CRB1: variants seen among roughly 807,000 people sequenced by gnomAD.
CRB1 encodes the protein crumbs cell polarity complex component 1.
Under a neutral mutation model 120.0 loss-of-function variants are expected in CRB1, and 83 were observed. The ratio of observed to expected loss-of-function variants is 0.69; its 90% CI spans 0.58 to 0.83. The LOEUF (loss-of-function observed/expected upper bound fraction) is 0.83. Ranked by LOEUF, CRB1 falls within the 40% of genes least tolerant of loss-of-function variation. CRB1 has a pLI of 0.00. For synonymous variants in CRB1, 625 were observed against 612.5 expected (o/e 1.02, Z -0.30); for missense variants, 1,699 against 1,687.6 (o/e 1.01, Z -0.12).
At chr1:197,346,179 A>G (rs1007564645) in intron 3 of CRB1, among the ~76,000 whole-genome samples, 3 of 152,178 alleles carry the variant, frequency 2.0e-5, no homozygotes, top group African/African-American at 4.8e-5. Flanking sequence ...ATTATCTCTT[A>G]TTGCCTAAAT....
At chr1:197,434,211 C>A (rs2125497874) in intron 8 of CRB1, among the ~76,000 whole-genome samples, 1 of 152,184 alleles carries the variant, frequency 6.6e-6, no homozygotes, top group East Asian at 1.9e-4. Context: ...ACTGCCTACT[C>A]ATCAGCTTAA....
the CRB1 span, among the ~76,000 whole-genome samples, chr1:197,235,621 G>A: frequency 2.6e-5 from 4 of 152,284 alleles, no homozygotes; most frequent in African/African-American, 9.6e-5. Context: ...CACCCACTGA[G>A]TGTAGCAGAG....
intron 6 of CRB1, among the ~76,000 whole-genome samples, chr1:197,425,088 G>A (rs1398182525): frequency 6.6e-6 from 1 of 152,190 alleles, no homozygotes; most frequent in East Asian, 1.9e-4. Context: ...GGGATGACCA[G>A]CAGGCACCCC....
intron 5 of CRB1, among the ~76,000 whole-genome samples, chr1:197,368,922 T>C (rs375060098): frequency 2.0e-5 from 3 of 152,224 alleles, no homozygotes; most frequent in South Asian, 4.1e-4. Flanking sequence ...ACCAGAGTTC[T>C]ATTTTGATGA....
chr1:197,407,197 A>G (rs1663456600), intron 5 of CRB1, among the ~76,000 whole-genome samples: 1 of 152,234 alleles, frequency 6.6e-6, no homozygotes. Flanking sequence ...ATGGAGGAAA[A>G]TTTCTTGTTG....
At chr1:197,332,352 C>T (rs1294042829) in intron 2 of CRB1, among the ~76,000 whole-genome samples, 1 of 152,108 alleles carries the variant, frequency 6.6e-6, no homozygotes, top group East Asian at 1.9e-4. Flanking sequence ...GGATGCTTTC[C>T]TTGTCAATCC....
At chr1:197,428,907 C>G in intron 7 of CRB1, 1 of 1,479,978 alleles carries the variant, frequency 6.8e-7, no homozygotes, top group Non-Finnish European at 9.0e-7. Context: ...TAAATACTTT[C>G]ATTTTGAATA....
At chr1:197,403,579 T>C (rs754820253) in intron 5 of CRB1, among the ~76,000 whole-genome samples, 4 of 152,188 alleles carry the variant, frequency 2.6e-5, no homozygotes, top group Non-Finnish European at 4.4e-5. Flanking sequence ...AAGTGGTAGA[T>C]ATCTGAGTTC....
intron 5 of CRB1, among the ~76,000 whole-genome samples, chr1:197,371,297 T>C (rs1661358361): frequency 6.6e-6 from 1 of 152,190 alleles, no homozygotes; most frequent in Non-Finnish European, 1.5e-5. Flanking sequence ...AATTTGAATG[T>C]GGTTGGAGAA....
intron 11 of CRB1, among the ~76,000 whole-genome samples, chr1:197,457,191 C>G (rs1666321835): frequency 6.6e-6 from 1 of 152,066 alleles, no homozygotes; most frequent in African/African-American, 2.4e-5. Flanking sequence ...CCATACAATC[C>G]TAAGTACGCC....
intron 5 of CRB1, among the ~76,000 whole-genome samples, chr1:197,383,733 G>C (rs564346300): frequency 4.0e-4 from 61 of 152,222 alleles, no homozygotes; most frequent in African/African-American, 1.3e-3. Flanking sequence ...CTGAGCTTTG[G>C]TTTTCTGGAA....
At chr1:197,320,109 C>T (rs1193069279) in intron 1 of CRB1, among the ~76,000 whole-genome samples, 1 of 152,196 alleles carries the variant, frequency 6.6e-6, no homozygotes, top group Non-Finnish European at 1.5e-5. Flanking sequence ...GATAGCATCC[C>T]TACTTTATTT....
chr1:197,393,342 A>G (rs1489715617), intron 5 of CRB1, among the ~76,000 whole-genome samples: 1 of 152,086 alleles, frequency 6.6e-6, no homozygotes, highest in Non-Finnish European at 1.5e-5. Flanking sequence ...CTCAGCTTCT[A>G]CTATATAGTA....
At chr1:197,283,901 A>G (rs1655677813) in intron 1 of CRB1, among the ~76,000 whole-genome samples, 1 of 151,828 alleles carries the variant, frequency 6.6e-6, no homozygotes, top group Admixed American at 6.6e-5. Flanking sequence ...CTATATATAG[A>G]CAGAAGTATT....
At chr1:197,210,488 A>T in the CRB1 span, among the ~76,000 whole-genome samples, 1 of 152,124 alleles carries the variant, frequency 6.6e-6, no homozygotes, top group Non-Finnish European at 1.5e-5. Flanking sequence ...CTCAAGACTG[A>T]AACATCATCT....
chr1:197,432,646 C>A (rs1664930082), intron 8 of CRB1, among the ~76,000 whole-genome samples: 1 of 152,034 alleles, frequency 6.6e-6, no homozygotes, highest in Admixed American at 6.6e-5. Flanking sequence ...ACAGAGGATC[C>A]TTGGTTTCAT....
intron 11 of CRB1, among the ~76,000 whole-genome samples, chr1:197,476,848 CCTTT>C (rs1667220072): frequency 6.6e-6 from 1 of 152,114 alleles, no homozygotes; most frequent in South Asian, 2.1e-4. Context: ...AACAGTAACT[CCTTT>C]CTGTCTTTAA....
intron 10 of CRB1, chr1:197,438,992 A>G (rs1233831002): frequency 3.3e-6 from 1 of 303,982 alleles, no homozygotes; most frequent in Middle Eastern, 1.2e-3. Flanking sequence ...ACATGATGCA[A>G]ATATGGTTGC....
intron 4 of CRB1, among the ~76,000 whole-genome samples, chr1:197,351,090 C>T (rs1215748597): frequency 6.6e-6 from 1 of 150,404 alleles, no homozygotes; most frequent in Non-Finnish European, 1.5e-5. Flanking sequence ...ACCTGTAATG[C>T]CAGCACTTTG....
Sources: allele counts gnomAD v4.1 joint callset (sites outside exome capture counted in the v4.1 genomes callset), GRCh38; gene constraint gnomAD v4.1.1; transcripts MANE v1.5; gene names NCBI Gene and HGNC (gene_info 2026-07-23, HGNC 2026-07-21).